RBM6: variants seen among roughly 807,000 people sequenced by gnomAD.
The protein encoded by RBM6 is RNA-binding protein 6.
RBM6 carries 23 observed loss-of-function variants against 140.4 expected under a neutral mutation model. The observed-to-expected ratio is 0.16, with a 90% CI of 0.12 to 0.23. The LOEUF is 0.23. Ranked by LOEUF, RBM6 falls within the 10% of genes least tolerant of loss-of-function variation. The probability of loss-of-function intolerance (pLI) is 1.00; values close to 1 mark genes in which losing one functional copy is unlikely to be tolerated. For synonymous variants in RBM6, 439 were observed against 475.6 expected (o/e 0.92, Z 1.00); for missense variants, 1,139 against 1,386.7 (o/e 0.82, Z 2.84).
intron 2 of RBM6, among the ~76,000 whole-genome samples, chr3:49,963,465 A>G (rs1276394976): frequency 1.3e-5 from 2 of 152,190 alleles, no homozygotes; most frequent in Non-Finnish European, 2.9e-5. Context: ...TAGCGAAGGA[A>G]TACATATTTG....
At chr3:50,049,168 G>A (rs920815130) in intron 7 of RBM6, among the ~76,000 whole-genome samples, 1 of 151,808 alleles carries the variant, frequency 6.6e-6, no homozygotes, top group African/African-American at 2.4e-5. Context: ...GAGTGCAGTG[G>A]CGCGATCTCA....
intron 7 of RBM6, among the ~76,000 whole-genome samples, chr3:50,049,750 A>G (rs1377791833): frequency 6.6e-6 from 1 of 152,096 alleles, no homozygotes; most frequent in Non-Finnish European, 1.5e-5. Flanking sequence ...AATACATGTA[A>G]CATTACATTT....
intron 19 of RBM6, among the ~76,000 whole-genome samples, chr3:50,074,070 C>T (rs2090386643): frequency 6.6e-6 from 1 of 152,166 alleles, no homozygotes; most frequent in Non-Finnish European, 1.5e-5. Flanking sequence ...CTCAGGTGAT[C>T]CACCCGCCTT....
chr3:50,016,358 G>T (rs2087145627), intron 6 of RBM6, among the ~76,000 whole-genome samples: 1 of 152,114 alleles, frequency 6.6e-6, no homozygotes, highest in African/African-American at 2.4e-5. Flanking sequence ...ATGGGCAATG[G>T]ATGAATGGAT....
chr3:49,987,702 G>A (rs756330698), intron 5 of RBM6, among the ~76,000 whole-genome samples: 3 of 151,574 alleles, frequency 2.0e-5, no homozygotes, highest in Non-Finnish European at 4.4e-5. Flanking sequence ...GCAATAATGC[G>A]ATCTCTGCTC....
intron 6 of RBM6, among the ~76,000 whole-genome samples, chr3:50,020,880 T>G (rs1322482825): frequency 6.6e-6 from 1 of 152,162 alleles, no homozygotes; most frequent in African/African-American, 2.4e-5. Flanking sequence ...TGCAAGCCCA[T>G]TGTTGACTGA....
At chr3:49,971,520 C>T (rs1254195480) in intron 3 of RBM6, among the ~76,000 whole-genome samples, 1 of 149,630 alleles carries the variant, frequency 6.7e-6, no homozygotes, top group Non-Finnish European at 1.5e-5. Flanking sequence ...GCCCATTCTC[C>T]AGCTCTCAGA....
At chr3:49,981,777 C>T (rs2085314880) in intron 5 of RBM6, 1 of 152,132 alleles carries the variant, frequency 6.6e-6, no homozygotes, top group Non-Finnish European at 1.5e-5. Flanking sequence ...GGTTGTAGAT[C>T]TTCTCATTCA....
intron 4 of RBM6, among the ~76,000 whole-genome samples, chr3:49,972,573 C>T (rs941790117): frequency 3.3e-5 from 5 of 152,182 alleles, no homozygotes; most frequent in African/African-American, 1.2e-4. Flanking sequence ...TAAGTCTGAA[C>T]TTATGGCAGT....
At chr3:49,988,144 C>A (rs1407430926) in intron 5 of RBM6, among the ~76,000 whole-genome samples, 1 of 151,960 alleles carries the variant, frequency 6.6e-6, no homozygotes, top group Non-Finnish European at 1.5e-5. Context: ...GGGCCTACTG[C>A]TTTTTAAAAA....
At position 49,940,161 on chromosome 3, in the gene RBM6, G is replaced by C. The variant is rs956151299; in HGVS notation, c.-131G>C. 2 of 152,462 alleles carry C rather than the reference G, an allele frequency of 1.3e-5. No homozygotes were observed. The highest frequency in any genetic ancestry group is 2.4e-5 in the African/African-American group (1 of 41,456). 9.4% of individuals were successfully genotyped at this position (152,462 alleles called of 1,614,324 possible). The stretch of plus-strand genomic sequence containing the variant: ...GCGCGGAGGAAGTTCCGGTGTCCGC[G>C]GCGCTGGGTCGGTGGCGGAGGCTGA... On this transcript the variant is annotated 5_prime_UTR_variant, in exon 1 of 21. Transcript: ENST00000266022.
At chr3:50,045,815 AC>A (rs1384442575) in intron 6 of RBM6, among the ~76,000 whole-genome samples, 2 of 152,154 alleles carry the variant, frequency 1.3e-5, no homozygotes, top group Admixed American at 6.5e-5. Context: ...AATCTTCACA[AC>A]CACCCTAAGA....
chr3:50,059,110 C>T (rs1276563102), intron 10 of RBM6, among the ~76,000 whole-genome samples: 1 of 152,084 alleles, frequency 6.6e-6, no homozygotes, highest in Non-Finnish European at 1.5e-5. Context: ...TTCCAACTTA[C>T]TCGCTTGTGA....
chr3:49,979,839 G>A (rs903102382), intron 5 of RBM6, among the ~76,000 whole-genome samples: 5 of 152,150 alleles, frequency 3.3e-5, no homozygotes, highest in African/African-American at 1.2e-4. Context: ...ATTGGAAATA[G>A]TGGTGGCCAG....
At chr3:50,028,209 T>G (rs1405553332) in intron 6 of RBM6, among the ~76,000 whole-genome samples, 1 of 152,204 alleles carries the variant, frequency 6.6e-6, no homozygotes, top group Non-Finnish European at 1.5e-5. Context: ...TCCTTACAGA[T>G]TCTCCTGTTC....
intron 6 of RBM6, among the ~76,000 whole-genome samples, chr3:50,025,790 GTA>G (rs1389252398): frequency 6.6e-6 from 1 of 151,590 alleles, no homozygotes; most frequent in Non-Finnish European, 1.5e-5. Flanking sequence ...CCCCTGCTCT[GTA>G]TATATGTCTC....
At chr3:49,968,843 C>T (rs573966904) in intron 3 of RBM6, 95 bp downstream of exon 3, 50 of 1,345,648 alleles carry the variant, frequency 3.7e-5, no homozygotes, top group South Asian at 6.3e-5. Context: ...TGCAGTGGTG[C>T]GATCTCTGCT....
At position 49,968,004 on chromosome 3, in the gene RBM6, A is replaced by G. The variant is rs1207361686; in HGVS notation, c.579A>G (p.Ala193=). Residue 193 remains alanine, a synonymous_variant, in exon 3 of 21, where the codon GCA becomes GCG. Coordinates refer to ENST00000266022, the MANE Select transcript of RBM6 (RefSeq NM_005777.3). ...LDFRGRDGSH[A]DFRGRDLSDL... Reference sequence around the variant, plus strand: ...TTAGAGGCCGGGATGGATCCCATGCAGATTTTAGGGGAAGGGATTTATCAG... The same window carrying G: ...TTAGAGGCCGGGATGGATCCCATGCGGATTTTAGGGGAAGGGATTTATCAG... 1 of 1,614,052 alleles carries G rather than the reference A, an allele frequency of 6.2e-7. No individual in the cohort carries two copies. The highest frequency in any genetic ancestry group is 8.5e-7 in the Non-Finnish European group (1 of 1,180,040).
In RBM6 at chr3:50,077,220, CTTT is replaced by C; in HGVS notation, c.*91_*93del. ...TTTGTTACTGTTCTTGCTGCTAGAACTTTTTTAAATAAACTTTTTTTCAATGTG... is the reference window on the plus strand; with the variant it reads ...TTTGTTACTGTTCTTGCTGCTAGAACTTTAAATAAACTTTTTTTCAATGTG... On this transcript the variant is annotated 3_prime_UTR_variant, in exon 21 of 21. Coordinates refer to ENST00000266022, the MANE Select transcript of RBM6 (RefSeq NM_005777.3). The C allele has an allele frequency of 7.1e-7, 1 of 1,401,182 alleles. No individual in the cohort carries two copies. Among genetic ancestry groups the C allele is most frequent in the Non-Finnish European group, 9.5e-7 (1 of 1,051,138 alleles). The allele number at this position is 1,401,182 out of a possible 1,614,324, so 86.8% of individuals were successfully genotyped here.
Sources: allele counts gnomAD v4.1 joint callset (sites outside exome capture counted in the v4.1 genomes callset), GRCh38; gene constraint gnomAD v4.1.1; transcripts MANE v1.5; gene names NCBI Gene and HGNC (gene_info 2026-07-23, HGNC 2026-07-21).